Variants in FAR2 observed in about 807,000 individuals in gnomAD.
FAR2 encodes fatty acyl-CoA reductase 2.
A neutral mutation model predicts 56.0 loss-of-function variants in FAR2; 19 were observed. The ratio of observed to expected loss-of-function variants is 0.34; its 90% CI spans 0.24 to 0.50. FAR2 has a LOEUF of 0.50. FAR2 is among the 20% of genes least tolerant of loss of function. The pLI, the probability that FAR2 is intolerant of heterozygous loss-of-function variation, is 0.98. For missense variants in FAR2, 508 were observed against 642.2 expected (o/e 0.79, Z 2.26); for synonymous variants, 219 against 218.8 (o/e 1.00, Z -0.01).
At chr12:29,312,748 G>A (rs1384637595) in intron 8 of FAR2, among the ~76,000 whole-genome samples, 1 of 152,090 alleles carries the variant, frequency 6.6e-6, no homozygotes, top group Non-Finnish European at 1.5e-5. Context: ...TGGCTATTCT[G>A]TAGGATTTCT....
chr12:29,307,652 T>C lies in FAR2; in HGVS notation c.546-6T>C. 1 of 1,603,918 alleles carries C rather than the reference T, an allele frequency of 6.2e-7. No homozygotes were observed. The highest frequency in any genetic ancestry group is 8.5e-7 in the Non-Finnish European group (1 of 1,176,230). ...TTACTAGAATTCTCTTTACTCTACC[T>C]TTTAGGTGGTTAGACGATGCTATTA... On this transcript the variant is annotated splice_polypyrimidine_tract_variant and splice_region_variant and intron_variant, in intron 4 of 11. Transcript: ENST00000536681.
Position 29,303,729 on chromosome 12 carries a change from G to A in FAR2, c.546-3929G>A, listed in dbSNP as rs1591949879. On this transcript the variant is annotated intron_variant, in intron 4 of 11. Transcript: ENST00000536681. ...AAAGCTGACCTCTTCTAGGGGAACG[G>A]TGAAAGCTGATTCTAGCACTTGTGC... 2.0e-5 allele frequency among the ~76,000 whole-genome samples: 3 copies of A among 152,214 alleles called. No individual in the cohort carries two copies. The South Asian group carries it at 6.2e-4, about 31-fold the overall frequency.
chr12:29,311,505 T>C (rs2136790185), intron 7 of FAR2, among the ~76,000 whole-genome samples: 1 of 152,170 alleles, frequency 6.6e-6, no homozygotes, highest in Admixed American at 6.5e-5. Flanking sequence ...TGAACTCTGG[T>C]AAATGCCAAA....
intron 3 of FAR2, among the ~76,000 whole-genome samples, chr12:29,295,664 T>A (rs1015771771): frequency 3.3e-5 from 5 of 152,028 alleles, no homozygotes; most frequent in Non-Finnish European, 4.4e-5. Flanking sequence ...TATGATGAAT[T>A]TGATATATTT....
At chr12:29,227,085 G>T (rs7300406) in intron 1 of FAR2, among the ~76,000 whole-genome samples, 96,914 of 152,014 alleles carry the variant, frequency 0.64, 31,045 homozygotes, top group Middle Eastern at 0.7. Context: ...GGGATTATTT[G>T]TTCTATCTTT....
chr12:29,200,062 G>A (rs1320982865), intron 1 of FAR2, among the ~76,000 whole-genome samples: 1 of 152,160 alleles, frequency 6.6e-6, no homozygotes, highest in African/African-American at 2.4e-5. Flanking sequence ...GACATCATCA[G>A]TAGTTTCATT....
At chr12:29,288,545 T>C (rs1221691249) in intron 2 of FAR2, among the ~76,000 whole-genome samples, 1 of 152,174 alleles carries the variant, frequency 6.6e-6, no homozygotes, top group Non-Finnish European at 1.5e-5. Flanking sequence ...GAAAATTTTT[T>C]TTAGAAGAGC....
chr12:29,171,775 C>T (rs1229306334), intron 1 of FAR2: 4 of 152,826 alleles, frequency 2.6e-5, no homozygotes, highest in African/African-American at 9.7e-5. Context: ...TGCCCACTGT[C>T]TGGGAACTGA....
intron 1 of FAR2, among the ~76,000 whole-genome samples, chr12:29,159,324 G>A (rs938277066): frequency 6.6e-6 from 1 of 152,074 alleles, no homozygotes; most frequent in African/African-American, 2.4e-5. Flanking sequence ...GGATCATGAG[G>A]TCAGGAGATC....
At chr12:29,281,163 C>T (rs548386068) in intron 2 of FAR2, 1 of 152,092 alleles carries the variant, frequency 6.6e-6, no homozygotes, top group African/African-American at 2.4e-5. Flanking sequence ...TTTCTGCCTC[C>T]CAATGTTGAG....
At chr12:29,308,468 G>C (rs768782908) in intron 5 of FAR2, among the ~76,000 whole-genome samples, 97 of 151,874 alleles carry the variant, frequency 6.4e-4, no homozygotes, top group Middle Eastern at 3.4e-3. Flanking sequence ...CTACTAAAAG[G>C]CTCAACAAAT....
chr12:29,212,416 C>T (rs1947561380), intron 1 of FAR2, among the ~76,000 whole-genome samples: 1 of 152,160 alleles, frequency 6.6e-6, no homozygotes, highest in African/African-American at 2.4e-5. Flanking sequence ...ACTTTTACTG[C>T]TCTAACTGCT....
intron 1 of FAR2, among the ~76,000 whole-genome samples, chr12:29,161,484 A>T (rs1485335426): frequency 6.6e-6 from 1 of 152,254 alleles, no homozygotes; most frequent in East Asian, 1.9e-4. Context: ...TTTGTAGATT[A>T]TTCATTCACA....
intron 1 of FAR2, among the ~76,000 whole-genome samples, chr12:29,252,729 G>C (rs533852709): frequency 1.3e-5 from 2 of 152,318 alleles, no homozygotes; most frequent in South Asian, 2.1e-4. Flanking sequence ...ATTTATGTTA[G>C]ATGGAATTAT....
intron 1 of FAR2, chr12:29,171,262 C>T (rs1050527745): frequency 8.5e-5 from 13 of 152,804 alleles, no homozygotes; most frequent in African/African-American, 3.1e-4. Context: ...TGGTTGGGGG[C>T]TTCTGGCCCA....
At chr12:29,244,431 G>A (rs917647205) in intron 1 of FAR2, among the ~76,000 whole-genome samples, 1 of 152,124 alleles carries the variant, frequency 6.6e-6, no homozygotes, top group Non-Finnish European at 1.5e-5. Flanking sequence ...AAGCCAGTTG[G>A]TTCACACAAC....
rs375933606 is a variant in FAR2, at chr12:29,316,843, G to A, written c.958G>A (p.Val320Ile). 1 of 1,613,612 alleles carries A rather than the reference G, an allele frequency of 6.2e-7. No homozygotes were observed. The highest frequency in any genetic ancestry group is 1.3e-5 in the African/African-American group (1 of 74,852). The change falls in exon 9 of 12, where the codon GTC (valine) becomes ATC (isoleucine). Residue 320 changes from valine to isoleucine, a missense_variant and splice_region_variant. Coordinates refer to ENST00000536681, the MANE Select transcript of FAR2 (RefSeq NM_001271783.2). Reference protein sequence around the residue: ...MNPCNWHKMGVQVLATFEKIP... With the variant: ...MNPCNWHKMGIQVLATFEKIP... ...CACTTACTTTCTTTTTTCCCCAGGAGTCCAAGTCTTGGCAACCTTTGAAAA... is the reference window on the plus strand; with the variant it reads ...CACTTACTTTCTTTTTTCCCCAGGAATCCAAGTCTTGGCAACCTTTGAAAA...
intron 1 of FAR2, among the ~76,000 whole-genome samples, chr12:29,204,224 T>G (rs1947453025): frequency 6.6e-6 from 1 of 151,964 alleles, no homozygotes; most frequent in Non-Finnish European, 1.5e-5. Context: ...AGATGCAGAT[T>G]TTTTCACATT....
intron 1 of FAR2, among the ~76,000 whole-genome samples, chr12:29,230,476 A>G (rs2136650578): frequency 6.6e-6 from 1 of 152,194 alleles, no homozygotes; most frequent in Middle Eastern, 3.4e-3. Flanking sequence ...TCATGGGGCC[A>G]CATTGTCCAG....
Sources: gnomAD v4.1 joint callset for allele counts (sites outside exome capture counted in the v4.1 genomes callset) on GRCh38, gnomAD v4.1.1 for gene constraint, MANE v1.5 for transcripts, NCBI Gene and HGNC (gene_info 2026-07-23, HGNC 2026-07-21) for gene names.